The following DLG2 variants were observed in gnomAD, a reference collection of about 807,000 sequenced individuals.
DLG2 encodes the protein discs large MAGUK scaffold protein 2.
In DLG2, 45 loss-of-function variants were observed where a neutral mutation model predicts 132.5. The ratio of observed to expected loss-of-function variants is 0.34; its 90% CI spans 0.27 to 0.44. The LOEUF (loss-of-function observed/expected upper bound fraction) is 0.44, where lower values mean the gene tolerates loss of function less well. Ranked by LOEUF, DLG2 falls within the 20% of genes least tolerant of loss-of-function variation. The pLI, the probability that DLG2 is intolerant of heterozygous loss-of-function variation, is 1.00. For synonymous variants in DLG2, 424 were observed against 419.6 expected, an observed-to-expected ratio of 1.01 and a Z score of -0.13; for missense variants, 1,045 against 1,196.9, an observed-to-expected ratio of 0.87 and a Z score of 1.87.
chr11:84,659,339 G>A (rs558721783), intron 6 of DLG2, among the ~76,000 whole-genome samples: 4 of 151,866 alleles, frequency 2.6e-5, no homozygotes, highest in Non-Finnish European at 5.9e-5. Context: ...ATTCCCACTA[G>A]GTCTGCTATA....
intron 10 of DLG2, among the ~76,000 whole-genome samples, chr11:84,062,371 T>C (rs145433719): frequency 0.011 from 1,731 of 152,300 alleles, 12 homozygotes; most frequent in Middle Eastern, 0.017. Flanking sequence ...CTGTACTGTA[T>C]AGTACTGTGC....
intron 6 of DLG2, among the ~76,000 whole-genome samples, chr11:84,970,808 A>G (rs990632698): frequency 6.6e-6 from 1 of 152,222 alleles, no homozygotes; most frequent in Non-Finnish European, 1.5e-5. Context: ...TAAGAAAAAT[A>G]TCCTATTTAG....
rs118012521 is a variant in DLG2, at chr11:83,907,468, C to T, written c.1496+22860G>A. Among the ~76,000 whole-genome samples, 950 of 152,132 alleles carry T rather than the reference C, an allele frequency of 6.2e-3. 3 individuals are homozygous for T. The highest frequency in any genetic ancestry group is 0.016 in the South Asian group (77 of 4,816). On this transcript the variant is annotated intron_variant, in intron 15 of 27. Transcript: ENST00000376104. Reference sequence around the variant, plus strand: ...AGGATGATAGCATCCCTGGAGTGAACGAGAGTTATTTTCAAATATCCAGAT... The same window carrying T: ...AGGATGATAGCATCCCTGGAGTGAATGAGAGTTATTTTCAAATATCCAGAT...
chr11:84,442,226 C>T (rs1429529130), intron 7 of DLG2, among the ~76,000 whole-genome samples: 2 of 152,028 alleles, frequency 1.3e-5, no homozygotes, highest in Admixed American at 1.3e-4. Flanking sequence ...GCCATTTTCA[C>T]GATATTGATT....
chr11:85,286,297 A>G (rs1382777563), intron 3 of DLG2, among the ~76,000 whole-genome samples: 1 of 152,132 alleles, frequency 6.6e-6, no homozygotes, highest in Non-Finnish European at 1.5e-5. Context: ...TGTTCTATAG[A>G]AAGTTACAGG....
intron 9 of DLG2, among the ~76,000 whole-genome samples, chr11:84,156,788 T>C (rs1001279027): frequency 1.3e-5 from 2 of 152,202 alleles, no homozygotes; most frequent in African/African-American, 2.4e-5. Flanking sequence ...GTATGTAACA[T>C]GGGAATTTTA....
At chr11:83,485,376 G>C (rs761452632) in intron 21 of DLG2, among the ~76,000 whole-genome samples, 6 of 152,016 alleles carry the variant, frequency 3.9e-5, no homozygotes, top group African/African-American at 9.7e-5. Flanking sequence ...ATAAGTTATT[G>C]GCCATGCAGG....
intron 6 of DLG2, among the ~76,000 whole-genome samples, chr11:84,754,856 C>T (rs1027307705): frequency 3.3e-5 from 5 of 152,160 alleles, no homozygotes; most frequent in Admixed American, 1.3e-4. Context: ...TGGGGAATGT[C>T]GTTAGTATAG....
intron 6 of DLG2, among the ~76,000 whole-genome samples, chr11:84,910,798 C>A (rs933691088): frequency 1.3e-5 from 2 of 149,552 alleles, no homozygotes; most frequent in African/African-American, 2.4e-5. Context: ...ACAACAACAA[C>A]AGATACAGAA....
At chr11:84,348,299 A>G (rs1166810833) in intron 7 of DLG2, among the ~76,000 whole-genome samples, 1 of 152,198 alleles carries the variant, frequency 6.6e-6, no homozygotes, top group African/African-American at 2.4e-5. Context: ...AATAAAGCTC[A>G]AGGACGTTAA....
intron 7 of DLG2, among the ~76,000 whole-genome samples, chr11:84,270,385 G>A (rs1243119404): frequency 3.9e-5 from 6 of 152,132 alleles, no homozygotes. Flanking sequence ...TTAACTCTAG[G>A]GGAGGATCTA....
intron 16 of DLG2, among the ~76,000 whole-genome samples, chr11:83,867,672 C>CTTTATTTT: frequency 6.6e-6 from 1 of 152,220 alleles, no homozygotes; most frequent in Admixed American, 6.5e-5. Flanking sequence ...TCTGTCTGTT[C>CTTTATTTT]TAAACAAGAA....
intron 10 of DLG2, among the ~76,000 whole-genome samples, chr11:84,087,224 C>A (rs2154165066): frequency 6.6e-6 from 1 of 152,278 alleles, no homozygotes; most frequent in Middle Eastern, 3.4e-3. Flanking sequence ...GTTAGATGGA[C>A]TGCCAGACTG....
intron 19 of DLG2, among the ~76,000 whole-genome samples, chr11:83,583,796 T>C (rs2097027199): frequency 6.6e-6 from 1 of 152,172 alleles, no homozygotes; most frequent in East Asian, 1.9e-4. Flanking sequence ...AATAAAGTAA[T>C]GAATGAACAC....
intron 6 of DLG2, among the ~76,000 whole-genome samples, chr11:84,939,625 T>C (rs920272639): frequency 1.3e-5 from 2 of 152,114 alleles, no homozygotes; most frequent in East Asian, 3.9e-4. Flanking sequence ...TGTCCATGAG[T>C]TCAATTGTTT....
intron 3 of DLG2, among the ~76,000 whole-genome samples, chr11:85,352,513 G>C (rs1170755384): frequency 6.6e-6 from 1 of 152,004 alleles, no homozygotes; most frequent in Non-Finnish European, 1.5e-5. Context: ...ATTGATTTTA[G>C]ATCTTTCCTG....
At chr11:84,022,282 G>A (rs921787068) in intron 11 of DLG2, among the ~76,000 whole-genome samples, 2 of 152,070 alleles carry the variant, frequency 1.3e-5, no homozygotes, top group African/African-American at 4.8e-5. Context: ...AAACCAGAAT[G>A]GCCAACACAT....
intron 19 of DLG2, among the ~76,000 whole-genome samples, chr11:83,580,415 AAGAT>A (rs2096951112): frequency 6.6e-6 from 1 of 152,144 alleles, no homozygotes; most frequent in African/African-American, 2.4e-5. Context: ...AGGGCTAACA[AAGAT>A]AGATATGGGT....
chr11:85,030,053 C>G (rs1406199791), intron 6 of DLG2, among the ~76,000 whole-genome samples: 1 of 152,206 alleles, frequency 6.6e-6, no homozygotes, highest in Non-Finnish European at 1.5e-5. Context: ...AAATCTTCTT[C>G]CACCAATTGA....
Sources: gnomAD v4.1 joint callset for allele counts (sites outside exome capture counted in the v4.1 genomes callset) on GRCh38, gnomAD v4.1.1 for gene constraint, MANE v1.5 for transcripts, NCBI Gene and HGNC (gene_info 2026-07-23, HGNC 2026-07-21) for gene names.